The following WWOX variants were observed in gnomAD, a reference collection of about 807,000 sequenced individuals.
WWOX encodes the protein WW domain containing oxidoreductase, also known as WW domain-containing oxidoreductase.
In WWOX, 69 loss-of-function variants were observed where a neutral mutation model predicts 46.2. The ratio of observed to expected loss-of-function variants is 1.49; its 90% confidence interval spans 1.23 to 1.82. The LOEUF (loss-of-function observed/expected upper bound fraction) is 1.82, where lower values mean the gene tolerates loss of function less well. Ranked by LOEUF, WWOX falls within the 40% of genes most tolerant of loss-of-function variation. The probability of loss-of-function intolerance (pLI) is 0.00; values close to 1 mark genes in which losing one functional copy is unlikely to be tolerated. For synonymous variants in WWOX, 359 were observed against 202.6 expected (o/e 1.77, Z -6.56); for missense variants, 919 against 542.6 (o/e 1.69, Z -6.89).
intron 8 of WWOX, among the ~76,000 whole-genome samples, chr16:78,515,413 C>A (rs2085464302): frequency 6.6e-6 from 1 of 152,126 alleles, no homozygotes; most frequent in Non-Finnish European, 1.5e-5. Flanking sequence ...AATTAAATGG[C>A]ATATCTGTGT....
intron 8 of WWOX, among the ~76,000 whole-genome samples, chr16:78,960,711 A>T (rs2046255748): frequency 6.6e-6 from 1 of 152,212 alleles, no homozygotes; most frequent in Non-Finnish European, 1.5e-5. Context: ...GGGATGTATG[A>T]CTTTCCAGTA....
At chr16:79,074,024 G>T (rs966928746) in intron 8 of WWOX, among the ~76,000 whole-genome samples, 2 of 151,880 alleles carry the variant, frequency 1.3e-5, no homozygotes, top group Non-Finnish European at 2.9e-5. Context: ...TTTCACCATG[G>T]TTAGTTCGAG....
intron 8 of WWOX, among the ~76,000 whole-genome samples, chr16:78,580,155 C>T (rs1018449641): frequency 4.0e-5 from 6 of 151,448 alleles, no homozygotes; most frequent in Non-Finnish European, 7.4e-5. Context: ...CTCACTGCAA[C>T]CTCCACCTCC....
chr16:79,000,106 C>T (rs928664884), intron 8 of WWOX, among the ~76,000 whole-genome samples: 6 of 152,202 alleles, frequency 3.9e-5, no homozygotes, highest in South Asian at 2.1e-4. Context: ...TCTGAGCAGG[C>T]TTCCCACCAT....
intron 5 of WWOX, among the ~76,000 whole-genome samples, chr16:78,244,802 G>T (rs141097767): frequency 9.9e-4 from 150 of 151,424 alleles, no homozygotes; most frequent in Non-Finnish European, 1.7e-3. Context: ...TCTCATAGGA[G>T]CAAAAAAAAG....
chr16:78,588,340 CT>C (rs2045268425), intron 8 of WWOX, among the ~76,000 whole-genome samples: 1 of 152,226 alleles, frequency 6.6e-6, no homozygotes, highest in East Asian at 1.9e-4. Flanking sequence ...AATTCCCAGC[CT>C]GATTTATTGA....
At chr16:78,276,664 TG>T (rs1430188898) in intron 5 of WWOX, among the ~76,000 whole-genome samples, 2 of 152,226 alleles carry the variant, frequency 1.3e-5, no homozygotes, top group Non-Finnish European at 2.9e-5. Context: ...TGTTTGTAGC[TG>T]TGATCTCTCA....
rs139802370 is a variant in WWOX, at chr16:79,028,782, A to G, written c.1057-182826A>G. Among the ~76,000 whole-genome samples the G allele has an allele frequency of 8.6e-5, 13 of 151,884 alleles. 1 individual carries two copies. The highest frequency in any genetic ancestry group is 3.2e-4 in the African/African-American group (13 of 41,166). ...TTCTTTACATTATCTGGATAATTACATTTGGTTTGCTTACATAGATGGAGG... is the reference window on the plus strand; with the variant it reads ...TTCTTTACATTATCTGGATAATTACGTTTGGTTTGCTTACATAGATGGAGG... On this transcript the variant is annotated intron_variant, in intron 8 of 8. Transcript: ENST00000566780.
At chr16:78,967,008 G>A (rs903972901) in intron 8 of WWOX, among the ~76,000 whole-genome samples, 1 of 152,176 alleles carries the variant, frequency 6.6e-6, no homozygotes, top group African/African-American at 2.4e-5. Flanking sequence ...ACTGGAAGAA[G>A]AGCCTGTAGA....
At chr16:79,155,543 G>A (rs2050364660) in intron 8 of WWOX, among the ~76,000 whole-genome samples, 1 of 151,816 alleles carries the variant, frequency 6.6e-6, no homozygotes, top group South Asian at 2.1e-4. Flanking sequence ...TAAAAAAACA[G>A]CAGGAAAAAC....
intron 8 of WWOX, among the ~76,000 whole-genome samples, chr16:78,874,684 C>CTTTTTTTTTTTTTTTT (rs552696627): frequency 2.4e-5 from 2 of 83,494 alleles, no homozygotes; most frequent in Non-Finnish European, 4.4e-5. Context: ...AGATTTTTTT[C>CTTTTTTTTTTTTTTTT]TTTTTTTTTT....
At chr16:78,796,312 A>T (rs572219741) in intron 8 of WWOX, among the ~76,000 whole-genome samples, 1 of 152,236 alleles carries the variant, frequency 6.6e-6, no homozygotes, top group Non-Finnish European at 1.5e-5. Flanking sequence ...GGAGCCTCCA[A>T]ATCCTCTGCT....
intron 8 of WWOX, chr16:78,996,112 C>A: frequency 2.5e-6 from 2 of 788,140 alleles, no homozygotes; most frequent in Non-Finnish European, 3.1e-6. Context: ...TGGCCCCTTC[C>A]ATGAAAGTCA....
At chr16:78,148,621 G>A (rs1013528733) in intron 4 of WWOX, among the ~76,000 whole-genome samples, 13 of 151,690 alleles carry the variant, frequency 8.6e-5, no homozygotes, top group African/African-American at 2.9e-4. Context: ...ATGTTGGCTG[G>A]GCAGAGTGGC....
In WWOX at chr16:78,435,226, A is replaced by G. The variant is rs530829535; in HGVS notation, c.1056+2474A>G. On this transcript the variant is annotated intron_variant, in intron 8 of 8. Transcript: ENST00000566780. ...GGGAGGATGCACAATGAATTGGACG[A>G]AGGTTGCAACTCAGTGAGCACCGTA... 3.9e-5 allele frequency among the ~76,000 whole-genome samples: 6 copies of G among 152,214 alleles called. No homozygotes were observed. In the South Asian group the frequency reaches 1.2e-3, roughly 32 times the overall value.
At chr16:78,562,306 C>CA (rs1377537405) in intron 8 of WWOX, among the ~76,000 whole-genome samples, 3 of 152,196 alleles carry the variant, frequency 2.0e-5, no homozygotes, top group Non-Finnish European at 4.4e-5. Flanking sequence ...CACTTTATCT[C>CA]AAAAACCCAT....
At chr16:79,009,581 C>T (rs1289985031) in intron 8 of WWOX, among the ~76,000 whole-genome samples, 1 of 152,088 alleles carries the variant, frequency 6.6e-6, no homozygotes, top group African/African-American at 2.4e-5. Context: ...GATTCTCCTG[C>T]CTCAGCCCAT....
intron 8 of WWOX, among the ~76,000 whole-genome samples, chr16:78,949,072 T>G (rs903962242): frequency 6.6e-6 from 1 of 152,128 alleles, no homozygotes; most frequent in African/African-American, 2.4e-5. Context: ...AATAGGGACC[T>G]TCCACCTACA....
chr16:78,828,431 C>A (rs536822704), intron 8 of WWOX, among the ~76,000 whole-genome samples: 9 of 152,236 alleles, frequency 5.9e-5, no homozygotes, highest in African/African-American at 2.2e-4. Flanking sequence ...CCACCATCGT[C>A]ACCATCAGTG....
Sources: allele counts gnomAD v4.1 joint callset (sites outside exome capture counted in the v4.1 genomes callset), GRCh38; gene constraint gnomAD v4.1.1; transcripts MANE v1.5; gene names NCBI Gene and HGNC (gene_info 2026-07-23, HGNC 2026-07-21).